Variants in DPP6 observed in about 807,000 individuals in gnomAD.
The protein encoded by DPP6 is A-type potassium channel modulatory protein DPP6.
Under a neutral mutation model 122.6 loss-of-function variants are expected in DPP6, and 69 were observed. The ratio of observed to expected loss-of-function variants is 0.56; its 90% confidence interval spans 0.46 to 0.69. The LOEUF is 0.69. Among genes scored for constraint, DPP6 ranks in the 30% least tolerant of loss-of-function variants. The pLI, the probability that DPP6 is intolerant of heterozygous loss-of-function variation, is 0.00. For synonymous variants in DPP6, 418 were observed against 433.1 expected, an observed-to-expected ratio of 0.97 and a Z score of 0.43; for missense variants, 928 against 1,116.9, an observed-to-expected ratio of 0.83 and a Z score of 2.41.
chr7:154,347,899 G>A (rs1252324911), intron 1 of DPP6, among the ~76,000 whole-genome samples: 2 of 152,212 alleles, frequency 1.3e-5, no homozygotes. Flanking sequence ...GCTTGGTGGT[G>A]GAAAAATCTG....
chr7:154,840,999 T>G (rs1801485527), intron 16 of DPP6, among the ~76,000 whole-genome samples: 1 of 152,120 alleles, frequency 6.6e-6, no homozygotes, highest in Non-Finnish European at 1.5e-5. Context: ...CAAAATAGAT[T>G]CCTATGTTCC....
At chr7:154,805,914 G>A (rs539715094) in intron 15 of DPP6, among the ~76,000 whole-genome samples, 2 of 152,202 alleles carry the variant, frequency 1.3e-5, no homozygotes, top group Non-Finnish European at 2.9e-5. Context: ...TGTTGTTCAG[G>A]GGAGACCTGA....
chr7:154,289,308 A>G (rs1805054096), intron 1 of DPP6, among the ~76,000 whole-genome samples: 1 of 152,188 alleles, frequency 6.6e-6, no homozygotes, highest in South Asian at 2.1e-4. Context: ...TTGCAGGATG[A>G]GCAGAGGCTG....
intron 2 of DPP6, among the ~76,000 whole-genome samples, chr7:154,460,318 A>G (rs1821186372): frequency 6.6e-6 from 1 of 152,132 alleles, no homozygotes; most frequent in African/African-American, 2.4e-5. Context: ...CTGATATGTC[A>G]ATGTCCACAG....
chr7:153,776,727 G>A, the DPP6 span, among the ~76,000 whole-genome samples: 9 of 152,152 alleles, frequency 5.9e-5, no homozygotes, highest in South Asian at 2.1e-4. Flanking sequence ...CTGGGAAGAC[G>A]GGACATGCAT....
chr7:154,645,021 T>C (rs1371196824), intron 6 of DPP6, among the ~76,000 whole-genome samples: 2 of 151,616 alleles, frequency 1.3e-5, no homozygotes, highest in African/African-American at 2.4e-5. Context: ...GAGGGGAGAA[T>C]TCCACTGTTA....
intron 1 of DPP6, among the ~76,000 whole-genome samples, chr7:154,242,319 C>G (rs1801672810): frequency 6.6e-6 from 1 of 152,092 alleles, no homozygotes. Flanking sequence ...AAGCAGAGAT[C>G]AGATCAACTG....
At chr7:153,813,618 T>A in the DPP6 span, among the ~76,000 whole-genome samples, 1 of 152,050 alleles carries the variant, frequency 6.6e-6, no homozygotes, top group Non-Finnish European at 1.5e-5. Flanking sequence ...TCCACAAGGG[T>A]TGAACTAGTT....
intron 5 of DPP6, among the ~76,000 whole-genome samples, chr7:154,594,322 T>A (rs969073171): frequency 5.3e-5 from 8 of 152,182 alleles, no homozygotes; most frequent in Admixed American, 1.3e-4. Context: ...GTGTAGGGGT[T>A]TAGGGGTCTA....
the DPP6 span, among the ~76,000 whole-genome samples, chr7:153,870,957 G>A: frequency 2.0e-5 from 3 of 152,228 alleles, no homozygotes; most frequent in African/African-American, 4.8e-5. Context: ...AGTGGCTGCA[G>A]AACAGCAGAT....
At chr7:153,924,131 T>A (rs7789010) in intron 1 of DPP6, among the ~76,000 whole-genome samples, 83,337 of 150,850 alleles carry the variant, frequency 0.55, 23,321 homozygotes, top group African/African-American at 0.63. Context: ...TTTTTTTTTT[T>A]TTCGAGACGG....
the DPP6 span, among the ~76,000 whole-genome samples, chr7:153,758,380 C>T: frequency 3.3e-5 from 5 of 152,268 alleles, no homozygotes; most frequent in African/African-American, 1.2e-4. Flanking sequence ...GTTGACTGTG[C>T]ATATTTAGAA....
chr7:154,142,427 T>TC lies in DPP6; in HGVS notation c.243+89370dup, dbSNP rs113966697. ...TTCCATGTTTACTGTTTATAATACG[T>TC]CCCCCCAAATATGTGCAGAAGTGGA... On this transcript the variant is annotated intron_variant, in intron 1 of 25. Transcript: ENST00000377770. Among the ~76,000 whole-genome samples the TC allele has an allele frequency of 5.9e-3, 901 of 152,186 alleles. 13 individuals are homozygous for TC. The highest frequency in any genetic ancestry group is 0.021 in the African/African-American group (872 of 41,498).
In DPP6 at chr7:153,964,934, CTTTCTTTT is replaced by C. The variant is rs1042309264; in HGVS notation, c.51+77202_51+77209del. On this transcript the variant is annotated intron_variant, in intron 1 of 25. Coordinates refer to the DPP6 transcript ENST00000404039. ...TTTTCCTTTCTTTCTTTCTTTCTTT[CTTTCTTTT>C]TCTTTCTTTCTCTCTTTCTTTCTTT... Among the ~76,000 whole-genome samples, 12 of 109,866 alleles carry C rather than the reference CTTTCTTTT, an allele frequency of 1.1e-4. 4 individuals carry two copies. The highest frequency in any genetic ancestry group is 5.4e-4 in the African/African-American group (12 of 22,134). 72.1% of individuals were successfully genotyped at this position (109,866 alleles called of 152,430 possible).
chr7:153,753,131 TTTCTC>T, the DPP6 span, among the ~76,000 whole-genome samples: 1 of 151,320 alleles, frequency 6.6e-6, no homozygotes, highest in Non-Finnish European at 1.5e-5. Context: ...TGTTTTCTCT[TTTCTC>T]TGCTTTCAAG....
At chr7:154,831,644 A>G (rs750436280) in intron 16 of DPP6, among the ~76,000 whole-genome samples, 5 of 152,210 alleles carry the variant, frequency 3.3e-5, no homozygotes, top group Non-Finnish European at 5.9e-5. Flanking sequence ...TTGGCAATCC[A>G]GATACATTTT....
chr7:154,242,158 C>T (rs1284463767), intron 1 of DPP6, among the ~76,000 whole-genome samples: 2 of 152,202 alleles, frequency 1.3e-5, no homozygotes, highest in Non-Finnish European at 2.9e-5. Context: ...CCCCGACTGG[C>T]ACCTTTGAAA....
chr7:154,248,618 C>T (rs1018774114), intron 1 of DPP6, among the ~76,000 whole-genome samples: 3 of 152,202 alleles, frequency 2.0e-5, no homozygotes, highest in Admixed American at 2.0e-4. Flanking sequence ...GTAATCCCAG[C>T]ACTTTGGGAG....
At chr7:154,187,699 T>A (rs150074750) in intron 1 of DPP6, among the ~76,000 whole-genome samples, 1 of 152,164 alleles carries the variant, frequency 6.6e-6, no homozygotes, top group Non-Finnish European at 1.5e-5. Context: ...ATCCTATCTT[T>A]CCTATGGTTT....
Sources: gnomAD v4.1 joint callset for allele counts (sites outside exome capture counted in the v4.1 genomes callset) on GRCh38, gnomAD v4.1.1 for gene constraint, MANE v1.5 for transcripts, NCBI Gene and HGNC (gene_info 2026-07-23, HGNC 2026-07-21) for gene names.